The following MAP1S variants were observed in gnomAD, a reference collection of about 807,000 sequenced individuals.
The protein encoded by MAP1S is microtubule associated protein 1S.
MAP1S carries 27 observed loss-of-function variants against 60.9 expected under a neutral mutation model. That is an observed-to-expected ratio of 0.44 (90% CI 0.33 to 0.61). The LOEUF (loss-of-function observed/expected upper bound fraction) is 0.61, where lower values mean the gene tolerates loss of function less well. MAP1S is among the 20% of genes least tolerant of loss of function. MAP1S has a pLI of 0.03. For synonymous variants in MAP1S, 826 were observed against 694.2 expected (o/e 1.19, Z -2.98); for missense variants, 1,608 against 1,486.6 (o/e 1.08, Z -1.34).
intron 2 of MAP1S, 153 bp downstream of exon 2, chr19:17,721,190 A>T: frequency 1.4e-6 from 1 of 698,264 alleles, no homozygotes; most frequent in Non-Finnish European, 2.6e-6. Flanking sequence ...CCCAGTGATA[A>T]CCCCCTCAGT....
In MAP1S at chr19:17,724,201, A is replaced by G. The variant is rs1415058144; in HGVS notation, c.296A>G (p.Tyr99Cys). 3 of 1,613,538 alleles carry G rather than the reference A, an allele frequency of 1.9e-6. No individual in the cohort carries two copies. Among genetic ancestry groups the G allele is most frequent in the Admixed American group, 1.7e-5 (1 of 60,002 alleles). The change falls in exon 3 of 7, where the codon TAT becomes TGT. Residue 99 changes from tyrosine (Y) to cysteine (C), a missense_variant. By Grantham distance (194) the Tyr-to-Cys change is radical (BLOSUM62 -2). This residue lies in a region of MAP1S where 320 missense variants were observed against 393.1 expected (regional missense o/e 0.81). Transcript: ENST00000324096. Reference protein sequence around the residue: ...VLLNPSDKSLYDELRNLLLDP... With the variant: ...VLLNPSDKSLCDELRNLLLDP... ...CTGAACCCATCAGACAAGTCCCTGT[A>G]TGATGAGGTAGGGAATGGCTGACGT...
chr19:17,721,786 G>A (rs1299164541), intron 2 of MAP1S, among the ~76,000 whole-genome samples: 1 of 152,210 alleles, frequency 6.6e-6, no homozygotes, highest in Non-Finnish European at 1.5e-5. Context: ...CTGGTTCACA[G>A]CCACAGGCCT....
chr19:17,733,071 C>T (rs1568296745), intron 5 of MAP1S, 122 bp from the exon 6 acceptor site: 3 of 633,358 alleles, frequency 4.7e-6, no homozygotes, highest in Admixed American at 3.1e-5. Context: ...CCCCAGAAAA[C>T]TCTGAGTTCA....
In MAP1S at chr19:17,734,472, C is replaced by T. The variant is rs747363991; in HGVS notation, c.*44C>T. 1.2e-4 allele frequency: 195 copies of T among 1,575,850 alleles called. No homozygotes were observed. The highest frequency in any genetic ancestry group is 1.6e-4 in the Non-Finnish European group (180 of 1,159,212). On this transcript the variant is annotated 3_prime_UTR_variant, in exon 7 of 7. Transcript: ENST00000324096. ...CCCCACTCAGCCCAGCCCGCCTGTCCCTAGATTCAGCCACATCAGAAATAA... is the reference window on the plus strand; with the variant it reads ...CCCCACTCAGCCCAGCCCGCCTGTCTCTAGATTCAGCCACATCAGAAATAA...
At position 17,726,330 on chromosome 19, in the gene MAP1S, G is replaced by T; in HGVS notation, c.946G>T (p.Ala316Ser). The change falls in exon 5 of 7, where the codon GCT becomes TCT. Residue 316 changes from alanine to serine, a missense_variant. Coordinates refer to ENST00000324096, the MANE Select transcript of MAP1S (RefSeq NM_018174.6). ...RRKLAERSEVAAGGGSWDDRL... is the reference protein window; with the variant it reads ...RRKLAERSEVSAGGGSWDDRL... ...CAAACTGGCGGAGCGCTCCGAGGTGGCTGCTGGTGGGGGCTCCTGGGACGA... is the reference window on the plus strand; with the variant it reads ...CAAACTGGCGGAGCGCTCCGAGGTGTCTGCTGGTGGGGGCTCCTGGGACGA... The T allele has an allele frequency of 6.2e-7, 1 of 1,603,262 alleles. No individual in the cohort carries two copies. The highest frequency in any genetic ancestry group is 1.7e-5 in the Admixed American group (1 of 59,668).
rs199499048 is a variant in MAP1S at position 17,727,165 on chromosome 19, C to A, written c.1781C>A (p.Pro594His). The A allele has an allele frequency of 2.6e-5, 42 of 1,587,218 alleles. No homozygotes were observed. The highest frequency in any genetic ancestry group is 1.6e-4 in the Admixed American group (9 of 57,804). Residue 594 changes from proline (P) to histidine (H), a missense_variant, in exon 5 of 7, where the codon CCC becomes CAC. Transcript: ENST00000324096. This position sits in a 1 kb window ranked among gnomAD's most constrained non-coding sequence, Gnocchi z 4.1. Reference protein sequence around the residue: ...PSLRCGEASPPSAACGSPASQ... With the variant: ...PSLRCGEASPHSAACGSPASQ... Reference sequence around the variant, plus strand: ...CTCCGATGTGGAGAAGCCAGCCCCCCCAGTGCAGCCTGCGGCTCTCCGGCC... The same window carrying A: ...CTCCGATGTGGAGAAGCCAGCCCCCACAGTGCAGCCTGCGGCTCTCCGGCC...
chr19:17,723,794 G>A (rs2080392333), intron 2 of MAP1S, among the ~76,000 whole-genome samples: 1 of 152,208 alleles, frequency 6.6e-6, no homozygotes, highest in Non-Finnish European at 1.5e-5. Context: ...AGCGGAGCTT[G>A]CAGTGAGCAG....
chr19:17,730,994 G>A (rs1264566216), intron 5 of MAP1S, among the ~76,000 whole-genome samples: 2 of 150,562 alleles, frequency 1.3e-5, no homozygotes, highest in Non-Finnish European at 3.0e-5. Context: ...GGGTTCAAGC[G>A]ATTCTCCTGC....
rs1407254960 is a variant in MAP1S, at chr19:17,727,670, C to T, written c.2286C>T (p.Ser762=). The T allele has an allele frequency of 2.5e-6, 4 of 1,609,286 alleles. No homozygotes were observed. Among genetic ancestry groups the T allele is most frequent in the East Asian group, 4.5e-5 (2 of 44,832 alleles). ...CACCGGCACCTGCGTCCCCCGGCAG[C>T]TCGAATGACAGCAGTGCCCGGTCAC... ...PMAPAPASPG[S]SNDSSARSQE... Residue 762 remains serine, a synonymous_variant, in exon 5 of 7, where the codon AGC becomes AGT. Transcript: ENST00000324096. The surrounding 1 kb of genome is among the most constrained non-coding windows in gnomAD (Gnocchi z 4.1).
chr19:17,721,493 G>A (rs10423961), intron 2 of MAP1S: 131,108 of 240,444 alleles, frequency 0.55, 37,987 homozygotes, highest in African/African-American at 0.7. Flanking sequence ...CCTGGCCAAC[G>A]TGGAGGAACC....
rs2080411121 is a variant in MAP1S, at chr19:17,725,745, A to T, written c.445-84A>T. 9 of 1,377,822 alleles carry T rather than the reference A, an allele frequency of 6.5e-6. No homozygotes were observed. The highest frequency in any genetic ancestry group is 2.1e-5 in the Admixed American group (1 of 47,474). 85.3% of individuals were successfully genotyped at this position (1,377,822 alleles called of 1,614,324 possible). A position where few individuals can be genotyped will look rare whatever the true frequency, so the allele number is the denominator to read the frequency against. ...TGAGGAGCAGGCCCTGGGGGAAAGG[A>T]TGAGGGTGTCCTCGCCCAGTTTTCC... On this transcript the variant is annotated intron_variant, in intron 4 of 6. Coordinates refer to ENST00000324096, the MANE Select transcript of MAP1S (RefSeq NM_018174.6). The surrounding 1 kb of genome is among the most constrained non-coding windows in gnomAD (Gnocchi z 4.2).
chr19:17,721,184 G>C (rs2080367457), intron 2 of MAP1S, 147 bp downstream of exon 2: 1 of 716,654 alleles, frequency 1.4e-6, no homozygotes, highest in Non-Finnish European at 2.5e-6. Flanking sequence ...CCGTGACCCA[G>C]TGATAACCCC....
Position 17,734,433 on chromosome 19 carries a change from A to T in MAP1S, c.*5A>T, listed in dbSNP as rs1447634334. The stretch of plus-strand genomic sequence containing the variant: ...GCCTGCAAGGTGGAGTTCTAGCCCC[A>T]TCGCCGACACGCCCCCCACTCAGCC... On this transcript the variant is annotated 3_prime_UTR_variant, in exon 7 of 7. Coordinates refer to ENST00000324096, the MANE Select transcript of MAP1S (RefSeq NM_018174.6). The T allele has an allele frequency of 1.2e-6, 2 of 1,603,206 alleles. No individual in the cohort carries two copies. Among genetic ancestry groups the T allele is most frequent in the South Asian group, 2.2e-5 (2 of 90,642 alleles).
rs144687462 is a variant in MAP1S at position 17,727,967 on chromosome 19, C to T, written c.2583C>T (p.Arg861=). The T allele has an allele frequency of 1.6e-5, 25 of 1,608,120 alleles. No individual in the cohort carries two copies. Among genetic ancestry groups the T allele is most frequent in the African/African-American group, 2.7e-5 (2 of 74,770 alleles). ...KTARQTENVS[R]TRKPLARPNS... ...CACGGCAAACGGAGAACGTCAGCCG[C>T]ACCCGGAAGCCCCTGGCCCGCCCCA... Residue 861 remains arginine (R), a synonymous_variant, in exon 5 of 7, where the codon CGC becomes CGT. Transcript: ENST00000324096. The surrounding 1 kb of genome is among the most constrained non-coding windows in gnomAD (Gnocchi z 4.1).
chr19:17,727,451 G>T lies in MAP1S; in HGVS notation c.2067G>T (p.Pro689=), dbSNP rs372354817. 4 of 1,603,882 alleles carry T rather than the reference G, an allele frequency of 2.5e-6. No homozygotes were observed. In the South Asian group the frequency reaches 3.3e-5, roughly 13 times the overall value. Residue 689 remains proline (P), a synonymous_variant, in exon 5 of 7, where the codon CCG becomes CCT. Transcript: ENST00000324096. This position sits in a 1 kb window ranked among gnomAD's most constrained non-coding sequence, Gnocchi z 4.1. ...CACTACCCGCAGAGGTGGGCTCCCCGCACTCGACCGAGGTGGACGAGTCCC... is the reference window on the plus strand; with the variant it reads ...CACTACCCGCAGAGGTGGGCTCCCCTCACTCGACCGAGGTGGACGAGTCCC... ...TPSLPAEVGS[P]HSTEVDESLS...
intron 2 of MAP1S, among the ~76,000 whole-genome samples, chr19:17,723,048 C>T (rs2080385505): frequency 6.6e-6 from 1 of 151,912 alleles, no homozygotes; most frequent in Non-Finnish European, 1.5e-5. Flanking sequence ...TGCCACCCCC[C>T]TCTCACAGTA....
chr19:17,730,347 C>T (rs7251043), intron 5 of MAP1S, among the ~76,000 whole-genome samples: 14,042 of 152,230 alleles, frequency 0.092, 2,168 homozygotes, highest in African/African-American at 0.32. Context: ...GACAGGGTCT[C>T]GGTCTGTTAC....
At chr19:17,720,547 C>T (rs775089179) in intron 1 of MAP1S, 3 of 1,456,746 alleles carry the variant, frequency 2.1e-6, no homozygotes, top group East Asian at 5.0e-5. Context: ...AGTCTTAGCA[C>T]CCGAAGGTGC....
Position 17,726,859 on chromosome 19 carries a change from C to T in MAP1S, c.1475C>T (p.Pro492Leu), listed in dbSNP as rs764697695. The change falls in exon 5 of 7, where the codon CCT (proline) becomes CTT (leucine). Residue 492 changes from proline (P) to leucine (L), a missense_variant. Pro to Leu is a moderately conservative substitution (Grantham distance 98, BLOSUM62 -3). Transcript: ENST00000324096. ...AGAGAGGGCCTCCTGGCCACCCACC[C>T]TAGACCTGGCCAGGAGCGCCCTGGG... ...SKREGLLATH[P>L]RPGQERPGVA... 3.9e-6 allele frequency: 6 copies of T among 1,555,102 alleles called. No individual in the cohort carries two copies. The highest frequency in any genetic ancestry group is 2.4e-5 in the South Asian group (2 of 84,514).
Sources: allele counts gnomAD v4.1 joint callset (sites outside exome capture counted in the v4.1 genomes callset), GRCh38; gene constraint gnomAD v4.1.1; regional missense constraint gnomAD v4.1.1; non-coding constraint Gnocchi (gnomAD v3.1); transcripts MANE v1.5; gene names NCBI Gene and HGNC (gene_info 2026-07-23, HGNC 2026-07-21).